FBLN7: variants seen among roughly 807,000 people sequenced by gnomAD.
FBLN7 encodes the protein fibulin 7.
In FBLN7, 31 loss-of-function variants were observed where a neutral mutation model predicts 44.0. The ratio of observed to expected loss-of-function variants is 0.70; its 90% CI spans 0.53 to 0.95. The LOEUF is 0.95. FBLN7 is among the 40% of genes least tolerant of loss of function. The pLI, the probability that FBLN7 is intolerant of heterozygous loss-of-function variation, is 0.00. For synonymous variants in FBLN7, 262 were observed against 253.4 expected, an observed-to-expected ratio of 1.03 and a Z score of -0.32; for missense variants, 573 against 618.5, an observed-to-expected ratio of 0.93 and a Z score of 0.78.
rs758403130 is a variant in FBLN7, at chr2:112,159,631, GAGTC to G, written c.76-40_76-37del. 8.2e-6 allele frequency: 12 copies of G among 1,462,336 alleles called. No homozygotes were observed. The South Asian group carries it at 1.4e-4, about 17-fold the overall frequency. 90.6% of individuals were successfully genotyped at this position (1,462,336 alleles called of 1,614,324 possible). On this transcript the variant is annotated intron_variant, in intron 1 of 7. Coordinates refer to ENST00000331203, the MANE Select transcript of FBLN7 (RefSeq NM_153214.3). Reference sequence around the variant, plus strand: ...GAAGCTCAGACAAGCATGTGGGACTGAGTCAGTCTCAATGGGTGGTGGCGGCGAT... The same window carrying G: ...GAAGCTCAGACAAGCATGTGGGACTGAGTCTCAATGGGTGGTGGCGGCGAT...
chr2:112,225,268 A>G, the FBLN7 span, among the ~76,000 whole-genome samples: 2 of 152,206 alleles, frequency 1.3e-5, no homozygotes, highest in African/African-American at 4.8e-5. Flanking sequence ...AAAATATGCA[A>G]CCCACTGGGG....
At chr2:112,206,546 C>T in the FBLN7 span, among the ~76,000 whole-genome samples, 9 of 152,086 alleles carry the variant, frequency 5.9e-5, no homozygotes. Context: ...CTCAGCCTCC[C>T]AAGTAGCTGG....
At chr2:112,242,883 AAAGT>A in the FBLN7 span, among the ~76,000 whole-genome samples, 2 of 152,264 alleles carry the variant, frequency 1.3e-5, no homozygotes, top group African/African-American at 2.4e-5. Flanking sequence ...GACTATAATC[AAAGT>A]AAGTTTCATT....
chr2:112,165,343 G>A (rs1378596497), intron 3 of FBLN7, among the ~76,000 whole-genome samples, 172 bp downstream of exon 3: 2 of 152,180 alleles, frequency 1.3e-5, no homozygotes, highest in African/African-American at 4.8e-5. Flanking sequence ...CCAGGTTGGC[G>A]CTGGTCTCTA....
chr2:112,140,884 T>G (rs1680612162), intron 1 of FBLN7, among the ~76,000 whole-genome samples: 1 of 152,266 alleles, frequency 6.6e-6, no homozygotes, highest in Non-Finnish European at 1.5e-5. Context: ...GCTTGCTGTT[T>G]AATTTTTCTG....
chr2:112,142,739 A>C (rs1334018269), intron 1 of FBLN7, among the ~76,000 whole-genome samples: 15 of 150,660 alleles, frequency 1.0e-4, no homozygotes. Context: ...AGACAGCGCA[A>C]GAGTAATATC....
At chr2:112,186,383 T>C (rs910274236) in intron 7 of FBLN7, among the ~76,000 whole-genome samples, 2 of 152,218 alleles carry the variant, frequency 1.3e-5, no homozygotes, top group African/African-American at 4.8e-5. Flanking sequence ...CTTATGCTTA[T>C]AATTCGAGCA....
chr2:112,138,580 C>A lies in FBLN7; in HGVS notation c.-76C>A, dbSNP rs1225590920. On this transcript the variant is annotated 5_prime_UTR_variant, in exon 1 of 8. Coordinates refer to ENST00000331203, the MANE Select transcript of FBLN7 (RefSeq NM_153214.3). ...GCCCCGCACCCTGCAGGGACGGCTGCCGCATCGCTGGGACAAACTCGGCAG... is the reference window on the plus strand; with the variant it reads ...GCCCCGCACCCTGCAGGGACGGCTGACGCATCGCTGGGACAAACTCGGCAG... 6.2e-7 allele frequency: 1 copy of A among 1,602,248 alleles called. No individual in the cohort carries two copies. Among genetic ancestry groups the A allele is most frequent in the South Asian group, 1.1e-5 (1 of 90,862 alleles).
At chr2:112,160,730 A>G (rs1327772910) in intron 2 of FBLN7, among the ~76,000 whole-genome samples, 5 of 98,450 alleles carry the variant, frequency 5.1e-5, no homozygotes, top group African/African-American at 9.7e-5. Context: ...GCGCACACGC[A>G]CGCACACGCA....
the FBLN7 span, among the ~76,000 whole-genome samples, chr2:112,210,394 G>A: frequency 6.6e-6 from 1 of 151,978 alleles, no homozygotes; most frequent in Non-Finnish European, 1.5e-5. Flanking sequence ...GGTGCCTCAC[G>A]CCTGTAACCC....
At chr2:112,193,190 C>T (rs1426943218), downstream of FBLN7, among the ~76,000 whole-genome samples, 1 of 152,142 alleles carries the variant, frequency 6.6e-6, no homozygotes, top group Non-Finnish European at 1.5e-5. Flanking sequence ...CCTGTAATCC[C>T]AGCTCTTTGG....
chr2:112,187,082 C>A lies in FBLN7; in HGVS notation c.948-52C>A. Reference sequence around the variant, plus strand: ...GGTGGGCAGCCGGGTCAGAGCAGCTCTTCATGAGACTCCCCAAGGCTGACT... The same window carrying A: ...GGTGGGCAGCCGGGTCAGAGCAGCTATTCATGAGACTCCCCAAGGCTGACT... On this transcript the variant is annotated intron_variant, in intron 7 of 7. Transcript: ENST00000331203. The surrounding 1 kb of genome is among the most constrained non-coding windows in gnomAD (Gnocchi z 5.1). The A allele has an allele frequency of 6.3e-7, 1 of 1,589,024 alleles. No individual in the cohort carries two copies. The highest frequency in any genetic ancestry group is 8.6e-7 in the Non-Finnish European group (1 of 1,166,030).
chr2:112,227,033 A>T, the FBLN7 span, among the ~76,000 whole-genome samples: 8 of 152,258 alleles, frequency 5.3e-5, no homozygotes, highest in Admixed American at 6.5e-5. Flanking sequence ...AACTAGAAAT[A>T]GGAGAGAACC....
At chr2:112,160,241 C>T (rs1441934622) in intron 2 of FBLN7, among the ~76,000 whole-genome samples, 2 of 152,130 alleles carry the variant, frequency 1.3e-5, no homozygotes, top group Admixed American at 6.5e-5. Context: ...CCGCCCGCCT[C>T]GGCCTCCCAA....
chr2:112,185,464 G>A (rs1051734112), intron 7 of FBLN7, 125 bp downstream of exon 7: 2 of 1,298,652 alleles, frequency 1.5e-6, no homozygotes, highest in Non-Finnish European at 2.1e-6. Context: ...CAGGAGGCTG[G>A]GAGGCTGGTG....
intron 2 of FBLN7, among the ~76,000 whole-genome samples, chr2:112,164,080 T>A (rs944006943): frequency 6.6e-6 from 1 of 152,234 alleles, no homozygotes; most frequent in African/African-American, 2.4e-5. Flanking sequence ...ATTTTCTACA[T>A]GGCCCCACAC....
the FBLN7 span, among the ~76,000 whole-genome samples, chr2:112,224,825 A>C: frequency 6.6e-6 from 1 of 152,240 alleles, no homozygotes; most frequent in Non-Finnish European, 1.5e-5. Context: ...GAGAAGGAGA[A>C]GAATGAATTG....
intron 1 of FBLN7, among the ~76,000 whole-genome samples, chr2:112,156,038 C>T (rs1407804581): frequency 2.6e-5 from 4 of 152,228 alleles, no homozygotes; most frequent in Non-Finnish European, 5.9e-5. Flanking sequence ...GCTCGTAGCG[C>T]AGGAGGCAGC....
intron 7 of FBLN7, among the ~76,000 whole-genome samples, chr2:112,186,408 G>A (rs996671978): frequency 6.6e-6 from 1 of 152,202 alleles, no homozygotes; most frequent in Non-Finnish European, 1.5e-5. Flanking sequence ...GGGAGGCCGA[G>A]GAGGGCGGAT....
Sources: gnomAD v4.1 joint callset for allele counts (sites outside exome capture counted in the v4.1 genomes callset) on GRCh38, gnomAD v4.1.1 for gene constraint, Gnocchi (gnomAD v3.1) non-coding constraint, MANE v1.5 for transcripts, NCBI Gene and HGNC (gene_info 2026-07-23, HGNC 2026-07-21) for gene names.